CLCN5: variants seen among roughly 807,000 people sequenced by gnomAD.
CLCN5 encodes the protein H(+)/Cl(-) exchange transporter 5.
In CLCN5, 17 loss-of-function variants were observed where a neutral mutation model predicts 54.0. The ratio of observed to expected loss-of-function variants is 0.31; its 90% CI spans 0.22 to 0.47. The LOEUF (loss-of-function observed/expected upper bound fraction) is 0.47, where lower values mean the gene tolerates loss of function less well. Among genes scored for constraint, CLCN5 ranks in the 20% least tolerant of loss-of-function variants. The pLI, the probability that CLCN5 is intolerant of heterozygous loss-of-function variation, is 1.00. For missense variants in CLCN5, 448 were observed against 646.7 expected, an observed-to-expected ratio of 0.69 and a Z score of 3.33; for synonymous variants, 222 against 233.0, an observed-to-expected ratio of 0.95 and a Z score of 0.43.
chrX:50,063,458 G>C (rs1415878241), intron 4 of CLCN5, among the ~76,000 whole-genome samples: 7 of 108,117 alleles, frequency 6.5e-5, no homozygotes, highest in South Asian at 3.8e-4. Context: ...GACTAAACCA[G>C]GAAGAAGTTG....
At chrX:50,065,112 A>T (rs1383780834) in intron 4 of CLCN5, among the ~76,000 whole-genome samples, 2 of 96,427 alleles carry the variant, frequency 2.1e-5, no homozygotes, top group African/African-American at 7.8e-5. Context: ...CAAGGACTTC[A>T]TGTCCAAAAC....
intron 4 of CLCN5, among the ~76,000 whole-genome samples, chrX:50,063,069 A>C (rs1398031693): frequency 9.1e-6 from 1 of 109,477 alleles, no homozygotes; most frequent in Non-Finnish European, 1.9e-5. Context: ...AAGATCTAAA[A>C]TTGACACCCT....
intron 3 of CLCN5, among the ~76,000 whole-genome samples, chrX:49,951,335 C>T (rs1557172971): frequency 8.9e-6 from 1 of 111,957 alleles, no homozygotes; most frequent in African/African-American, 3.2e-5. Context: ...CTGTTGTAGC[C>T]ATTAAGTCTC....
intron 3 of CLCN5, among the ~76,000 whole-genome samples, chrX:50,033,984 A>C (rs1372339585): frequency 3.6e-5 from 4 of 111,527 alleles, no homozygotes; most frequent in African/African-American, 6.5e-5. Flanking sequence ...CTGTAAGAAG[A>C]AGCACTACTA....
chrX:49,957,987 G>C (rs1452179795), intron 3 of CLCN5, among the ~76,000 whole-genome samples: 1 of 110,305 alleles, frequency 9.1e-6, no homozygotes, highest in East Asian at 2.9e-4. Context: ...GGGAGGGAGG[G>C]AGAGAGAAAG....
intron 4 of CLCN5, among the ~76,000 whole-genome samples, chrX:50,051,541 TAG>T (rs1557188365): frequency 8.9e-6 from 1 of 112,331 alleles, no homozygotes. Context: ...CAGTTTATTG[TAG>T]CTGCAAAATG....
intron 4 of CLCN5, among the ~76,000 whole-genome samples, chrX:50,051,928 T>A (rs527355855): frequency 2.9e-4 from 33 of 111,955 alleles, no homozygotes; most frequent in African/African-American, 1.0e-3. Flanking sequence ...CCCTTCAGGA[T>A]TTTTTTAGGA....
chrX:49,968,854 A>G, intron 3 of CLCN5, among the ~76,000 whole-genome samples: 1 of 81,010 alleles, frequency 1.2e-5, no homozygotes, highest in Admixed American at 1.2e-4. Context: ...GCACAGCAAA[A>G]GAAACTACCA....
At chrX:50,000,718 C>T (rs1430820268) in intron 3 of CLCN5, among the ~76,000 whole-genome samples, 1 of 111,810 alleles carries the variant, frequency 8.9e-6, no homozygotes, top group African/African-American at 3.3e-5. Flanking sequence ...TCTCAATTTC[C>T]ACAACATGAA....
At chrX:49,925,561 C>T (rs373374676) in intron 3 of CLCN5, among the ~76,000 whole-genome samples, 70 of 112,206 alleles carry the variant, frequency 6.2e-4, no homozygotes, top group African/African-American at 2.2e-3. Flanking sequence ...TAAAAGAACT[C>T]CCTTCATTTA....
chrX:49,958,240 G>GT (rs1163307184), intron 3 of CLCN5, among the ~76,000 whole-genome samples: 33 of 106,464 alleles, frequency 3.1e-4, no homozygotes, highest in Middle Eastern at 4.8e-3. Context: ...TTTGAGATTA[G>GT]TTTTTTTTTT....
intron 3 of CLCN5, among the ~76,000 whole-genome samples, chrX:49,939,509 A>G (rs1418729916): frequency 3.6e-5 from 4 of 111,167 alleles, no homozygotes; most frequent in African/African-American, 1.3e-4. Context: ...GAAGCTGGAA[A>G]CCATCATTCT....
At chrX:50,072,393 C>A in intron 5 of CLCN5, 96 bp from the exon 6 acceptor site, 1 of 631,531 alleles carries the variant, frequency 1.6e-6, no homozygotes, top group Non-Finnish European at 2.7e-6. Flanking sequence ...GGTCTCTATT[C>A]TCCAGTGATT....
chrX:50,056,397 C>T (rs1317138244), intron 4 of CLCN5, among the ~76,000 whole-genome samples: 1 of 111,484 alleles, frequency 9.0e-6, no homozygotes, highest in Non-Finnish European at 1.9e-5. Flanking sequence ...TTGTCAGTCC[C>T]ATAAATGTGT....
intron 7 of CLCN5, among the ~76,000 whole-genome samples, chrX:50,080,221 A>G (rs1319370452): frequency 9.0e-6 from 1 of 111,412 alleles, no homozygotes; most frequent in Non-Finnish European, 1.9e-5. Context: ...ATTCCAAAAA[A>G]GCTGGGGGGG....
At chrX:50,019,326 T>G (rs1362055348) in intron 3 of CLCN5, among the ~76,000 whole-genome samples, 2 of 110,637 alleles carry the variant, frequency 1.8e-5, no homozygotes, top group African/African-American at 3.3e-5. Context: ...TACATTGACA[T>G]GTAATTATAC....
At chrX:50,089,501 T>C (rs1934011019) in intron 12 of CLCN5, among the ~76,000 whole-genome samples, 1 of 112,578 alleles carries the variant, frequency 8.9e-6, no homozygotes, top group African/African-American at 3.2e-5. Context: ...AGATAATGAC[T>C]TTCTTTTATA....
rs1381198212 is a variant in CLCN5 at position 49,925,315 on chromosome X, GTAAGAAA to G, written c.16+3_16+9del. The G allele has an allele frequency of 8.3e-7, 1 of 1,207,591 alleles. No individual in the cohort carries two copies. Among genetic ancestry groups the G allele is most frequent in the African/African-American group, 1.7e-5 (1 of 57,218 alleles). On this transcript the variant is annotated splice_donor_variant and splice_donor_5th_base_variant and intron_variant, in intron 3 of 14. Coordinates refer to ENST00000376091, the MANE Select transcript of CLCN5 (RefSeq NM_001127898.4). LOFTEE classifies it high-confidence loss of function. ...AGGATCAAGATGGCCATGTGGCAGG[GTAAGAAA>G]TTAGCACTTATTCTTCTAACTGGTT...
chrX:49,998,170 A>G (rs189302284), intron 3 of CLCN5, among the ~76,000 whole-genome samples: 1,111 of 110,957 alleles, frequency 0.01, 3 homozygotes, highest in Non-Finnish European at 0.015. Flanking sequence ...CGCCCTCCCC[A>G]TTTTACAGAT....
Sources: allele counts gnomAD v4.1 joint callset (sites outside exome capture counted in the v4.1 genomes callset), GRCh38; gene constraint gnomAD v4.1.1; transcripts MANE v1.5; gene names NCBI Gene and HGNC (gene_info 2026-07-23, HGNC 2026-07-21).